NELFCD: variants seen among roughly 807,000 people sequenced by gnomAD.
The protein encoded by NELFCD is negative elongation factor complex member C/D, also known as negative elongation factor C/D.
Under a neutral mutation model 72.9 loss-of-function variants are expected in NELFCD, and 48 were observed. That is an observed-to-expected ratio of 0.66 (90% CI 0.52 to 0.84). The LOEUF is 0.84. Among genes scored for constraint, NELFCD ranks in the 40% least tolerant of loss-of-function variants. The pLI, the probability that NELFCD is intolerant of heterozygous loss-of-function variation, is 0.00. For synonymous variants in NELFCD, 297 were observed against 280.6 expected (o/e 1.06, Z -0.59); for missense variants, 538 against 723.8 (o/e 0.74, Z 2.94).
At position 58,993,951 on chromosome 20, in the gene NELFCD, C is replaced by T; in HGVS notation, c.1582-159C>T. On this transcript the variant is annotated intron_variant, in intron 13 of 14. Transcript: ENST00000652272. The surrounding 1 kb of genome is among the most constrained non-coding windows in gnomAD (Gnocchi z 5.0). ...GCAGCTGTATGACACACTTTACCTC[C>T]ATTACCACCCTGGGCATCTGAATGT... is the stretch of plus-strand genomic sequence containing the variant. 2.8e-6 allele frequency: 3 copies of T among 1,089,552 alleles called. No homozygotes were observed. The highest frequency in any genetic ancestry group is 4.0e-6 in the Non-Finnish European group (3 of 744,366). The allele number at this position is 1,089,552 out of a possible 1,614,324, so 67.5% of individuals were successfully genotyped here. A position where few individuals can be genotyped will look rare whatever the true frequency, so the allele number is the denominator to read the frequency against.
chr20:58,987,502 A>G, intron 3 of NELFCD: 1 of 564,750 alleles, frequency 1.8e-6, no homozygotes, highest in East Asian at 3.0e-5. Context: ...TTAGGGGTGG[A>G]CCAGACTTGT....
At chr20:58,983,168 G>A (rs868712521) in intron 1 of NELFCD, among the ~76,000 whole-genome samples, 10 of 147,302 alleles carry the variant, frequency 6.8e-5, no homozygotes, top group South Asian at 4.3e-4. Context: ...ACAGAGTCTC[G>A]CTTAGCTGCT....
At chr20:58,987,092 G>A (rs768050429) in intron 3 of NELFCD, 6 of 490,720 alleles carry the variant, frequency 1.2e-5, no homozygotes, top group African/African-American at 8.1e-5. Flanking sequence ...GCCTGCAAAC[G>A]TGATTCTCAT....
chr20:58,982,936 A>G (rs1041884198), intron 1 of NELFCD, among the ~76,000 whole-genome samples: 6 of 152,046 alleles, frequency 3.9e-5, no homozygotes, highest in Non-Finnish European at 8.8e-5. Context: ...AAGTGTAGAA[A>G]ATGAGACGAA....
At chr20:58,990,751 C>T (rs1399856255) in intron 7 of NELFCD, 159 bp from the exon 8 acceptor site, 1 of 625,824 alleles carries the variant, frequency 1.6e-6, no homozygotes, top group Non-Finnish European at 2.7e-6. Context: ...ATTGGAATCA[C>T]TTTTCCAGTG....
chr20:58,994,192 G>T lies in NELFCD; in HGVS notation c.1664G>T (p.Gly555Val). ...ATCCTGGAGAATGACAGCATCGCAG[G>T]TACCATCAAAACGGAAGGCGAGCAT... ...LPILENDSIAGTIKTEGEHDP... is the reference protein window; with the variant it reads ...LPILENDSIAVTIKTEGEHDP... Residue 555 changes from glycine (G) to valine (V), a missense_variant, in exon 14 of 15, where the codon GGT (glycine) becomes GTT (valine). Coordinates refer to ENST00000652272, the MANE Select transcript of NELFCD (RefSeq NM_198976.4). The T allele has an allele frequency of 6.2e-7, 1 of 1,614,154 alleles. No homozygotes were observed. The highest frequency in any genetic ancestry group is 8.5e-7 in the Non-Finnish European group (1 of 1,180,002).
chr20:58,993,118 AG>A lies in NELFCD; in HGVS notation c.1344+9del. ...ACCTGGCGTTGCTGGATGAGGTAAGAGGGCGGAGAGCTGTTCACAGCCTACA... is the reference window on the plus strand; with the variant it reads ...ACCTGGCGTTGCTGGATGAGGTAAGAGGCGGAGAGCTGTTCACAGCCTACA... On this transcript the variant is annotated splice_region_variant and intron_variant, in intron 11 of 14. Coordinates refer to ENST00000652272, the MANE Select transcript of NELFCD (RefSeq NM_198976.4). This position sits in a 1 kb window ranked among gnomAD's most constrained non-coding sequence, Gnocchi z 5.0. 1 of 1,603,358 alleles carries A rather than the reference AG, an allele frequency of 6.2e-7. No individual in the cohort carries two copies. The highest frequency in any genetic ancestry group is 1.3e-5 in the African/African-American group (1 of 74,778).
At chr20:58,982,774 A>C (rs1243100417) in intron 1 of NELFCD, among the ~76,000 whole-genome samples, 1 of 152,020 alleles carries the variant, frequency 6.6e-6, no homozygotes, top group Non-Finnish European at 1.5e-5. Context: ...ACACGAGTAG[A>C]TTTGCATGTT....
chr20:58,990,782 GGTCA>G, intron 7 of NELFCD, 124 bp from the exon 8 acceptor site: 2 of 760,702 alleles, frequency 2.6e-6, no homozygotes, highest in Non-Finnish European at 4.3e-6. Context: ...TATTTTTGTG[GGTCA>G]GTCAGTATAC....
At chr20:58,989,344 T>C (rs2091795978) in intron 5 of NELFCD, 144 bp from the exon 6 acceptor site, 1 of 919,860 alleles carries the variant, frequency 1.1e-6, no homozygotes, top group Admixed American at 2.1e-5. Context: ...ACCTAGGTGA[T>C]AGCAGGGTGA....
intron 4 of NELFCD, among the ~76,000 whole-genome samples, chr20:58,988,255 A>G (rs2091786926): frequency 6.6e-6 from 1 of 152,194 alleles, no homozygotes; most frequent in South Asian, 2.1e-4. Context: ...TGAGGGCAAG[A>G]GAAAAGGAAT....
intron 9 of NELFCD, 125 bp downstream of exon 9, chr20:58,991,571 T>C: frequency 8.6e-7 from 1 of 1,157,190 alleles, no homozygotes; most frequent in Non-Finnish European, 1.2e-6. Flanking sequence ...ATGTGTTTTC[T>C]TGTGTTTCTG....
intron 10 of NELFCD, 145 bp from the exon 11 acceptor site, chr20:58,992,848 CAAAAA>C (rs371549496): frequency 2.1e-3 from 882 of 416,124 alleles, no homozygotes; most frequent in South Asian, 2.7e-3. Context: ...GACCCTGTCT[CAAAAA>C]AAAAAAAAAA....
chr20:58,994,579 A>G (rs2091844957), intron 14 of NELFCD, 63 bp from the exon 15 acceptor site: 25 of 1,337,310 alleles, frequency 1.9e-5, no homozygotes, highest in Non-Finnish European at 2.5e-5. Context: ...AAAAAAAAAA[A>G]AGAAAGAAAA....
At chr20:58,985,733 C>A (rs2091767117) in intron 1 of NELFCD, among the ~76,000 whole-genome samples, 1 of 152,156 alleles carries the variant, frequency 6.6e-6, no homozygotes, top group Admixed American at 6.5e-5. Flanking sequence ...AGGGATTATG[C>A]TGGGTTCTTC....
chr20:58,989,391 C>T (rs1320136283), intron 5 of NELFCD, 97 bp from the exon 6 acceptor site: 3 of 1,437,548 alleles, frequency 2.1e-6, no homozygotes, highest in Non-Finnish European at 1.9e-6. Flanking sequence ...GACCAGCGCA[C>T]ACTTACTCCA....
intron 13 of NELFCD, 77 bp from the exon 14 acceptor site, chr20:58,994,033 A>T (rs914923112): frequency 1.3e-6 from 2 of 1,551,984 alleles, no homozygotes; most frequent in African/African-American, 2.7e-5. Flanking sequence ...TTCCAAACTG[A>T]TGGCCATTTC....
At chr20:58,983,322 GAC>G (rs1403492301) in intron 1 of NELFCD, among the ~76,000 whole-genome samples, 2 of 151,800 alleles carry the variant, frequency 1.3e-5, no homozygotes, top group Admixed American at 6.6e-5. Context: ...TTTTAGTAGA[GAC>G]AGTGTTTCAC....
rs79356322 is a variant in NELFCD at position 58,986,307 on chromosome 20, C to T, written c.176+99C>T. The T allele has an allele frequency of 2.6e-3, 2,045 of 791,142 alleles. 40 individuals are homozygous for T. In the African/African-American group the frequency reaches 0.031, roughly 12 times the overall value. The allele number at this position is 791,142 out of a possible 1,614,324, so 49.0% of individuals were successfully genotyped here. The stretch of plus-strand genomic sequence containing the variant: ...GGTGCTATGTAAAGCAAGAGTAACG[C>T]GAACTGAACTAAAGGCTTCAAGGGG... On this transcript the variant is annotated intron_variant, in intron 2 of 14. Coordinates refer to ENST00000652272, the MANE Select transcript of NELFCD (RefSeq NM_198976.4). The surrounding 1 kb of genome is among the most constrained non-coding windows in gnomAD (Gnocchi z 4.4).
Sources: allele counts gnomAD v4.1 joint callset (sites outside exome capture counted in the v4.1 genomes callset), GRCh38; gene constraint gnomAD v4.1.1; non-coding constraint Gnocchi (gnomAD v3.1); transcripts MANE v1.5; gene names NCBI Gene and HGNC (gene_info 2026-07-23, HGNC 2026-07-21).